PLCL1: variants seen among roughly 807,000 people sequenced by gnomAD.
PLCL1 encodes the protein inactive phospholipase C-like protein 1.
Under a neutral mutation model 84.4 loss-of-function variants are expected in PLCL1, and 41 were observed. The observed-to-expected ratio is 0.49, with a 90% CI of 0.38 to 0.63. PLCL1 has a LOEUF of 0.63. PLCL1 is among the 30% of genes least tolerant of loss of function. The probability of loss-of-function intolerance (pLI) is 0.00; values close to 1 mark genes in which losing one functional copy is unlikely to be tolerated. For synonymous variants in PLCL1, 490 were observed against 488.3 expected (o/e 1.00, Z -0.05); for missense variants, 1,206 against 1,367.8 (o/e 0.88, Z 1.87).
chr2:198,088,209 A>T (rs1640320650), intron 2 of PLCL1, among the ~76,000 whole-genome samples: 1 of 152,166 alleles, frequency 6.6e-6, no homozygotes, highest in African/African-American at 2.4e-5. Flanking sequence ...TCTTAACATA[A>T]AGTCTTTGGG....
chr2:198,020,289 A>G (rs1691100829), intron 1 of PLCL1, among the ~76,000 whole-genome samples: 1 of 152,240 alleles, frequency 6.6e-6, no homozygotes, highest in African/African-American at 2.4e-5. Flanking sequence ...AAAGCAAACC[A>G]AAATATAAAG....
At chr2:198,113,202 G>C (rs1425706214) in intron 5 of PLCL1, among the ~76,000 whole-genome samples, 2 of 151,872 alleles carry the variant, frequency 1.3e-5, no homozygotes, top group Admixed American at 6.6e-5. Flanking sequence ...ACCTCAAGAA[G>C]GTGATGTTAT....
chr2:198,113,647 T>G (rs1403987370), intron 5 of PLCL1, among the ~76,000 whole-genome samples: 3 of 151,910 alleles, frequency 2.0e-5, no homozygotes, highest in Non-Finnish European at 4.4e-5. Context: ...AACCCTGCCT[T>G]GTATCTTGAT....
chr2:198,009,451 C>T (rs1305335646), intron 1 of PLCL1, among the ~76,000 whole-genome samples: 2 of 151,936 alleles, frequency 1.3e-5, no homozygotes, highest in Non-Finnish European at 2.9e-5. Context: ...TGTCTTTTCT[C>T]TGTTGTGTGG....
intron 2 of PLCL1, among the ~76,000 whole-genome samples, chr2:198,087,693 T>C (rs1430221546): frequency 6.6e-6 from 1 of 152,174 alleles, no homozygotes; most frequent in Non-Finnish European, 1.5e-5. Flanking sequence ...AATTGGATTG[T>C]TTGCAACTCA....
intron 5 of PLCL1, among the ~76,000 whole-genome samples, chr2:198,128,475 G>A (rs749815801): frequency 2.0e-5 from 3 of 152,094 alleles, no homozygotes; most frequent in Admixed American, 6.6e-5. Flanking sequence ...TGGCTGGGTC[G>A]GAGATGAAAT....
intron 1 of PLCL1, among the ~76,000 whole-genome samples, chr2:198,032,754 A>G (rs1450214548): frequency 6.6e-6 from 1 of 152,200 alleles, no homozygotes; most frequent in African/African-American, 2.4e-5. Flanking sequence ...TTAAGGTTAT[A>G]AGATCAAATA....
At chr2:198,033,794 C>G (rs1691488253) in intron 1 of PLCL1, among the ~76,000 whole-genome samples, 1 of 152,058 alleles carries the variant, frequency 6.6e-6, no homozygotes, top group African/African-American at 2.4e-5. Flanking sequence ...AGTCTCTACC[C>G]CCTCAAGCTG....
chr2:197,851,932 T>A (rs1356374478), intron 1 of PLCL1, among the ~76,000 whole-genome samples: 3 of 152,366 alleles, frequency 2.0e-5, no homozygotes, highest in Non-Finnish European at 4.4e-5. Context: ...AGATGGCTCA[T>A]GGCTGGGCAT....
At chr2:198,024,490 G>C (rs1318487039) in intron 1 of PLCL1, among the ~76,000 whole-genome samples, 1 of 152,130 alleles carries the variant, frequency 6.6e-6, no homozygotes, top group Non-Finnish European at 1.5e-5. Flanking sequence ...ATTACTACAC[G>C]TGGTGGCTCA....
intron 1 of PLCL1, among the ~76,000 whole-genome samples, chr2:197,830,444 A>T (rs1691032844): frequency 6.6e-6 from 1 of 152,008 alleles, no homozygotes; most frequent in East Asian, 1.9e-4. Flanking sequence ...CGACTTAACT[A>T]AATAAAGTGT....
chr2:197,942,603 C>CT (rs889754220), intron 1 of PLCL1, among the ~76,000 whole-genome samples: 1 of 152,046 alleles, frequency 6.6e-6, no homozygotes, highest in African/African-American at 2.4e-5. Context: ...TTTTATTGAT[C>CT]TTTTTTAGAA....
intron 1 of PLCL1, among the ~76,000 whole-genome samples, chr2:197,957,114 TC>T (rs1357794213): frequency 6.6e-6 from 1 of 152,048 alleles, no homozygotes; most frequent in African/African-American, 2.4e-5. Context: ...GCCCAACTAT[TC>T]AGGCCTTTTT....
At chr2:197,938,186 G>GACAT (rs898943664) in intron 1 of PLCL1, among the ~76,000 whole-genome samples, 13 of 152,094 alleles carry the variant, frequency 8.5e-5, no homozygotes, top group African/African-American at 2.9e-4. Context: ...AGCCATCTTT[G>GACAT]ACATGTTCTT....
At chr2:198,054,361 G>C (rs932244621) in intron 1 of PLCL1, among the ~76,000 whole-genome samples, 2 of 152,188 alleles carry the variant, frequency 1.3e-5, no homozygotes, top group Non-Finnish European at 2.9e-5. Flanking sequence ...CCATCCAACA[G>C]CAGCAGAATA....
intron 1 of PLCL1, among the ~76,000 whole-genome samples, chr2:198,012,057 A>G (rs1180313889): frequency 3.9e-5 from 4 of 101,318 alleles, no homozygotes; most frequent in African/African-American, 9.9e-5. Context: ...TGTATGAGAC[A>G]GAACACTCAA....
At chr2:198,013,204 A>T (rs552332708) in intron 1 of PLCL1, among the ~76,000 whole-genome samples, 1 of 152,138 alleles carries the variant, frequency 6.6e-6, no homozygotes, top group South Asian at 2.1e-4. Flanking sequence ...TCTCAGGGGC[A>T]TTGGTCCATT....
intron 1 of PLCL1, among the ~76,000 whole-genome samples, chr2:198,073,321 G>T (rs566518172): frequency 6.6e-6 from 1 of 152,312 alleles, no homozygotes; most frequent in Non-Finnish European, 1.5e-5. Flanking sequence ...CCCTAAAGGA[G>T]TCCCTGAGCT....
intron 5 of PLCL1, among the ~76,000 whole-genome samples, chr2:198,132,835 A>T (rs1412325397): frequency 6.6e-6 from 1 of 151,930 alleles, no homozygotes; most frequent in Admixed American, 6.6e-5. Context: ...TAGTTTAATT[A>T]GACCCCATTT....
Sources: allele counts gnomAD v4.1 joint callset (sites outside exome capture counted in the v4.1 genomes callset), GRCh38; gene constraint gnomAD v4.1.1; transcripts MANE v1.5; gene names NCBI Gene and HGNC (gene_info 2026-07-23, HGNC 2026-07-21).